MPZL1: variants seen among roughly 807,000 people sequenced by gnomAD.
MPZL1 encodes myelin protein zero like 1, also known as myelin protein zero-like protein 1.
In MPZL1, 16 loss-of-function variants were observed where a neutral mutation model predicts 29.3. That is an observed-to-expected ratio of 0.55 (90% CI 0.37 to 0.83). The LOEUF (loss-of-function observed/expected upper bound fraction) is 0.83. Ranked by LOEUF, MPZL1 falls within the 40% of genes least tolerant of loss-of-function variation. The pLI, the probability that MPZL1 is intolerant of heterozygous loss-of-function variation, is 0.00. For synonymous variants in MPZL1, 143 were observed against 132.0 expected (o/e 1.08, Z -0.57); for missense variants, 279 against 332.9 (o/e 0.84, Z 1.26).
intron 5 of MPZL1, among the ~76,000 whole-genome samples, chr1:167,783,956 CCT>C (rs1359172947): frequency 6.6e-6 from 1 of 152,162 alleles, no homozygotes; most frequent in Non-Finnish European, 1.5e-5. Context: ...GGGGATGACT[CCT>C]CTAACACCTG....
intron 1 of MPZL1, among the ~76,000 whole-genome samples, chr1:167,739,065 G>A (rs1006767521): frequency 4.4e-4 from 66 of 151,336 alleles, no homozygotes; most frequent in Non-Finnish European, 5.9e-5. Context: ...CCTCAGTCTC[G>A]CGAGTAGCTG....
chr1:167,734,255 CAA>C (rs35988337), intron 1 of MPZL1, among the ~76,000 whole-genome samples: 2 of 140,810 alleles, frequency 1.4e-5, no homozygotes. Context: ...GACTCCATCT[CAA>C]AAAAAAAAAA....
intron 1 of MPZL1, among the ~76,000 whole-genome samples, chr1:167,760,942 A>G (rs912366671): frequency 7.2e-5 from 11 of 152,176 alleles, no homozygotes; most frequent in Non-Finnish European, 1.5e-4. Flanking sequence ...AAGAGAATCA[A>G]GAGGGAGAGG....
intron 1 of MPZL1, among the ~76,000 whole-genome samples, chr1:167,737,556 C>T (rs966477913): frequency 1.3e-5 from 2 of 152,160 alleles, no homozygotes; most frequent in Non-Finnish European, 2.9e-5. Context: ...ACATTCTCTC[C>T]CTGTGCTGAG....
At chr1:167,772,565 T>C in intron 3 of MPZL1, 77 bp downstream of exon 3, 1 of 1,363,626 alleles carries the variant, frequency 7.3e-7, no homozygotes, top group Non-Finnish European at 1.0e-6. Context: ...TGAGTTGCAT[T>C]TCATGGTGGG....
At chr1:167,731,396 T>C (rs1203585994) in intron 1 of MPZL1, among the ~76,000 whole-genome samples, 1 of 150,786 alleles carries the variant, frequency 6.6e-6, no homozygotes, top group Non-Finnish European at 1.5e-5. Context: ...GAGATTGTGC[T>C]ACTGCACTTT....
intron 1 of MPZL1, among the ~76,000 whole-genome samples, chr1:167,760,220 T>C (rs6676500): frequency 0.026 from 3,989 of 152,242 alleles, 94 homozygotes; most frequent in Non-Finnish European, 0.041. Flanking sequence ...TTTTGTTTTT[T>C]GAGACAGAGT....
At chr1:167,787,433 T>C (rs1464550816) in intron 5 of MPZL1, among the ~76,000 whole-genome samples, 2 of 152,200 alleles carry the variant, frequency 1.3e-5, no homozygotes, top group Non-Finnish European at 2.9e-5. Flanking sequence ...TTTCTGTGGG[T>C]CTCAGGTGCG....
chr1:167,742,747 T>C (rs1388076191), intron 1 of MPZL1, among the ~76,000 whole-genome samples: 1 of 152,166 alleles, frequency 6.6e-6, no homozygotes, highest in Non-Finnish European at 1.5e-5. Flanking sequence ...TGTTCTCTTC[T>C]AGAATTTTTA....
intron 1 of MPZL1, among the ~76,000 whole-genome samples, chr1:167,729,184 C>T (rs954367593): frequency 2.0e-5 from 3 of 151,532 alleles, no homozygotes; most frequent in East Asian, 1.9e-4. Context: ...GCATGAGAAT[C>T]GCTTGAGCCT....
chr1:167,739,901 G>A (rs1022427242), intron 1 of MPZL1, among the ~76,000 whole-genome samples: 1 of 152,040 alleles, frequency 6.6e-6, no homozygotes, highest in East Asian at 1.9e-4. Context: ...GTTTCACTAC[G>A]ACAGTTTCTG....
In MPZL1 at chr1:167,765,741, A is replaced by G; in HGVS notation, c.250A>G (p.Thr84Ala). Reference sequence around the variant, plus strand: ...CTTCCAGCCAGAGGGGGCCGACACTACTGTGTCGGTAAGAATGCTTGACTT... The same window carrying G: ...CTTCCAGCCAGAGGGGGCCGACACTGCTGTGTCGGTAAGAATGCTTGACTT... ...WSFQPEGADTTVSFFHYSQGQ... is the reference protein window; with the variant it reads ...WSFQPEGADTAVSFFHYSQGQ... Residue 84 changes from threonine to alanine, a missense_variant, in exon 2 of 6, where the codon ACT becomes GCT. Coordinates refer to ENST00000359523, the MANE Select transcript of MPZL1 (RefSeq NM_003953.6). 1 of 1,605,466 alleles carries G rather than the reference A, an allele frequency of 6.2e-7. No individual in the cohort carries two copies. Among genetic ancestry groups the G allele is most frequent in the Non-Finnish European group, 8.5e-7 (1 of 1,176,370 alleles).
At chr1:167,733,163 C>T (rs1270988982) in intron 1 of MPZL1, among the ~76,000 whole-genome samples, 3 of 152,082 alleles carry the variant, frequency 2.0e-5, no homozygotes, top group African/African-American at 4.8e-5. Flanking sequence ...GTAGGAATAC[C>T]GTGACCAGCT....
intron 3 of MPZL1, among the ~76,000 whole-genome samples, 197 bp downstream of exon 3, chr1:167,772,685 T>C (rs1440312175): frequency 7.9e-5 from 12 of 152,118 alleles, no homozygotes. Flanking sequence ...TGACCCAGAG[T>C]GGCTGATTTC....
rs773963632 is a variant in MPZL1 at position 167,772,440 on chromosome 1, G to C, written c.424G>C (p.Asp142His). The change falls in exon 3 of 6, where the codon GAC becomes CAC. Residue 142 changes from aspartate (D) to histidine (H), a missense_variant. By Grantham distance (81) the Asp-to-His change is moderately conservative. Transcript: ENST00000359523. ...TYICDVKNPP[D>H]IVVQPGHIRL... is the part of the protein sequence containing the mutation. ...TATCTGTGATGTCAAAAACCCTCCT[G>C]ACATCGTTGTCCAGCCTGGACACAT... 1 of 1,614,120 alleles carries C rather than the reference G, an allele frequency of 6.2e-7. No homozygotes were observed. The highest frequency in any genetic ancestry group is 8.5e-7 in the Non-Finnish European group (1 of 1,180,008).
chr1:167,740,597 G>A (rs1452888738), intron 1 of MPZL1, among the ~76,000 whole-genome samples: 5 of 151,866 alleles, frequency 3.3e-5, no homozygotes, highest in Admixed American at 6.6e-5. Flanking sequence ...GTATGACTTC[G>A]GCTTGGCTCT....
intron 1 of MPZL1, among the ~76,000 whole-genome samples, chr1:167,759,473 T>C (rs1571155273): frequency 1.3e-5 from 2 of 152,228 alleles, no homozygotes; most frequent in South Asian, 2.1e-4. Flanking sequence ...CTGCATAGAA[T>C]ACAGCCTGAG....
intron 5 of MPZL1, among the ~76,000 whole-genome samples, chr1:167,785,725 C>T (rs142891365): frequency 2.0e-5 from 3 of 152,278 alleles, no homozygotes; most frequent in African/African-American, 2.4e-5. Context: ...TTGGGAGTTC[C>T]GTCCTATTCT....
intron 1 of MPZL1, among the ~76,000 whole-genome samples, chr1:167,752,565 C>T (rs1051771111): frequency 2.0e-5 from 3 of 152,158 alleles, no homozygotes; most frequent in East Asian, 1.9e-4. Context: ...TCAGTTGATA[C>T]TGTCTTTTAA....
Sources: gnomAD v4.1 joint callset for allele counts (sites outside exome capture counted in the v4.1 genomes callset) on GRCh38, gnomAD v4.1.1 for gene constraint, MANE v1.5 for transcripts, NCBI Gene and HGNC (gene_info 2026-07-23, HGNC 2026-07-21) for gene names.